The following KIF1B variants were observed in gnomAD, a reference collection of about 807,000 sequenced individuals.
The protein encoded by KIF1B is kinesin family member 1B.
A neutral mutation model predicts 241.9 loss-of-function variants in KIF1B; 76 were observed. The observed-to-expected ratio is 0.31, with a 90% CI of 0.26 to 0.38. The LOEUF is 0.38. Ranked by LOEUF, KIF1B falls within the 10% of genes least tolerant of loss-of-function variation. The pLI is 1.00. For missense variants in KIF1B, 1,622 were observed against 2,271.4 expected, an observed-to-expected ratio of 0.71 and a Z score of 5.81; for synonymous variants, 750 against 796.7, an observed-to-expected ratio of 0.94 and a Z score of 0.99.
intron 22 of KIF1B, chr1:10,306,827 A>T (rs199974119): frequency 9.6e-7 from 1 of 1,042,224 alleles, no homozygotes; most frequent in African/African-American, 1.7e-5. Flanking sequence ...TCTGTAGCAA[A>T]AATGGGCTCT....
At position 10,341,105 on chromosome 1, in the gene KIF1B, G is replaced by C. The variant is rs78214095; in HGVS notation, c.3514-945G>C. On this transcript the variant is annotated intron_variant, in intron 32 of 48. Coordinates refer to ENST00000676179, the MANE Select transcript of KIF1B (RefSeq NM_001365951.3). Reference sequence around the variant, plus strand: ...AACTGGGGAATGCAGATGAATCTCAGATGCTCCCAGTGAGCTTCGAATTAC... The same window carrying C: ...AACTGGGGAATGCAGATGAATCTCACATGCTCCCAGTGAGCTTCGAATTAC... 2.2e-3 allele frequency among the ~76,000 whole-genome samples: 339 copies of C among 152,364 alleles called. 1 individual carries two copies. The highest frequency in any genetic ancestry group is 7.8e-3 in the African/African-American group (323 of 41,582).
intron 45 of KIF1B, among the ~76,000 whole-genome samples, chr1:10,372,670 C>G (rs1569926507): frequency 8.0e-6 from 1 of 125,426 alleles, no homozygotes; most frequent in East Asian, 2.8e-4. Flanking sequence ...AGAGCTGTCA[C>G]CCAAGCTGGC....
intron 22 of KIF1B, 80 bp downstream of exon 22, chr1:10,297,326 C>A: frequency 1.6e-6 from 2 of 1,230,402 alleles, no homozygotes; most frequent in South Asian, 1.2e-5. Flanking sequence ...GAGCAGTACT[C>A]ACCCAAATTG....
At chr1:10,375,204 C>T (rs1213968190) in intron 47 of KIF1B, 51 bp from the exon 48 acceptor site, 1 of 1,511,826 alleles carries the variant, frequency 6.6e-7, no homozygotes, top group Admixed American at 1.7e-5. Flanking sequence ...AAGGCAGTCC[C>T]CATTGCTGTC....
At chr1:10,278,844 A>ATT in intron 13 of KIF1B, 1 of 421,760 alleles carries the variant, frequency 2.4e-6, no homozygotes, top group Non-Finnish European at 4.3e-6. Flanking sequence ...TTAGTAAAGC[A>ATT]TTTTTTTTTA....
intron 2 of KIF1B, among the ~76,000 whole-genome samples, chr1:10,246,950 T>C (rs1451746592): frequency 2.0e-5 from 3 of 152,140 alleles, no homozygotes; most frequent in African/African-American, 7.2e-5. Context: ...TTGCAGCCTC[T>C]GCCTCCCAGG....
chr1:10,336,730 A>C lies in KIF1B; in HGVS notation c.3117A>C (p.Glu1039Asp), dbSNP rs1037630279. Reference protein sequence around the residue: ...SGTAKISFDNEYFNQSDFSSV... With the variant: ...SGTAKISFDNDYFNQSDFSSV... ...CAGCTAAAATATCTTTTGATAATGA[A>C]TACTTTAATCAGGTGAGAAACCGTC... Residue 1039 changes from glutamate to aspartate, a missense_variant, in exon 29 of 49, where the codon GAA becomes GAC. By Grantham distance (45) the Glu-to-Asp change is conservative. Around this residue, in one of 7 missense-constraint regions of KIF1B, gnomAD observed 803 missense variants for 1,112.0 expected, o/e 0.72. Coordinates refer to ENST00000676179, the MANE Select transcript of KIF1B (RefSeq NM_001365951.3). The C allele has an allele frequency of 6.2e-7, 1 of 1,612,448 alleles. No homozygotes were observed. The highest frequency in any genetic ancestry group is 1.3e-5 in the African/African-American group (1 of 74,884).
chr1:10,348,063 T>C (rs78035799), intron 36 of KIF1B, among the ~76,000 whole-genome samples: 2,896 of 152,272 alleles, frequency 0.019, 42 homozygotes, highest in Non-Finnish European at 0.028. Flanking sequence ...TTGAAAAATA[T>C]TTTGTTTCAT....
intron 27 of KIF1B, among the ~76,000 whole-genome samples, chr1:10,330,686 C>A (rs1651887281): frequency 6.6e-6 from 1 of 152,104 alleles, no homozygotes; most frequent in Non-Finnish European, 1.5e-5. Context: ...AGATAAGAGG[C>A]AAATCATTTT....
Position 10,232,451 on chromosome 1 carries a change from TTC to T in KIF1B, c.106+22_106+23del. 1 of 1,537,108 alleles carries T rather than the reference TTC, an allele frequency of 6.5e-7. No homozygotes were observed. Among genetic ancestry groups the T allele is most frequent in the Non-Finnish European group, 9.0e-7 (1 of 1,110,270 alleles). ...ACTCGACCAGTGAGTACATGTTGTT[TTC>T]TCTCAGCTGTGTATCTTACTTTCCT... On this transcript the variant is annotated intron_variant, in intron 2 of 48. Coordinates refer to ENST00000676179, the MANE Select transcript of KIF1B (RefSeq NM_001365951.3).
intron 48 of KIF1B, 130 bp from the exon 49 acceptor site, chr1:10,376,415 G>A: frequency 2.3e-6 from 2 of 872,526 alleles, no homozygotes; most frequent in South Asian, 2.6e-5. Flanking sequence ...GGAGTAGACG[G>A]CTTAGAGGAC....
intron 2 of KIF1B, among the ~76,000 whole-genome samples, chr1:10,255,965 G>GGT (rs762108682): frequency 2.6e-5 from 3 of 116,208 alleles, no homozygotes; most frequent in Non-Finnish European, 2.0e-5. Flanking sequence ...AGTTGTTGTT[G>GGT]TTTTTTTTTT....
chr1:10,363,085 T>C (rs1328867454), intron 40 of KIF1B, among the ~76,000 whole-genome samples, 198 bp from the exon 41 acceptor site: 1 of 151,914 alleles, frequency 6.6e-6, no homozygotes, highest in East Asian at 1.9e-4. Context: ...AAAAATTAAA[T>C]TGAGATGAAA....
intron 45 of KIF1B, among the ~76,000 whole-genome samples, chr1:10,372,392 T>C (rs1288318682): frequency 2.0e-5 from 3 of 151,448 alleles, no homozygotes; most frequent in Admixed American, 1.3e-4. Flanking sequence ...ATAAAATAGT[T>C]GGACATGATG....
intron 22 of KIF1B, among the ~76,000 whole-genome samples, chr1:10,309,453 C>T (rs1052786990): frequency 2.0e-5 from 3 of 151,824 alleles, no homozygotes; most frequent in Admixed American, 6.5e-5. Flanking sequence ...TGGTGAGAAG[C>T]GAAGTTAAGT....
intron 1 of KIF1B, among the ~76,000 whole-genome samples, chr1:10,227,468 T>G (rs890487162): frequency 6.6e-6 from 1 of 152,208 alleles, no homozygotes; most frequent in African/African-American, 2.4e-5. Context: ...CTAAGTTGCT[T>G]CTTTCCTCCC....
rs111663673 is a variant in KIF1B, at chr1:10,376,834, A to AACACACACACAC, written c.*269_*280dup. The AACACACACACAC allele has an allele frequency of 7.0e-4, 311 of 442,572 alleles. 2 individuals carry two copies. The highest frequency in any genetic ancestry group is 5.9e-3 in the African/African-American group (290 of 48,894). 27.4% of individuals were successfully genotyped at this position (442,572 alleles called of 1,614,324 possible). On this transcript the variant is annotated 3_prime_UTR_variant, in exon 49 of 49. Coordinates refer to ENST00000676179, the MANE Select transcript of KIF1B (RefSeq NM_001365951.3). ...CTAACAAAAGGAAAAAATGTTTTTA[A>AACACACACACAC]ACACACACACACACACACACACACA...
intron 18 of KIF1B, among the ~76,000 whole-genome samples, chr1:10,295,382 T>C (rs1650210853): frequency 2.0e-5 from 3 of 152,224 alleles, no homozygotes; most frequent in Admixed American, 6.5e-5. Context: ...AATTTTTTTT[T>C]CCTTTAACAA....
chr1:10,360,078 G>C (rs1638374422), intron 38 of KIF1B, among the ~76,000 whole-genome samples: 1 of 151,856 alleles, frequency 6.6e-6, no homozygotes, highest in South Asian at 2.1e-4. Context: ...ATAAAATAAT[G>C]CTCTCTATAC....
Sources: allele counts gnomAD v4.1 joint callset (sites outside exome capture counted in the v4.1 genomes callset), GRCh38; gene constraint gnomAD v4.1.1; regional missense constraint gnomAD v4.1.1; transcripts MANE v1.5; gene names NCBI Gene and HGNC (gene_info 2026-07-23, HGNC 2026-07-21).